Variants in MAGI2 observed in about 807,000 individuals in gnomAD.
MAGI2 encodes membrane associated guanylate kinase, WW and PDZ domain containing 2, also known as membrane-associated guanylate kinase, WW and PDZ domain-containing protein 2.
A neutral mutation model predicts 133.3 loss-of-function variants in MAGI2; 35 were observed. The observed-to-expected ratio is 0.26, with a 90% CI of 0.20 to 0.35. The LOEUF (loss-of-function observed/expected upper bound fraction) is 0.35. MAGI2 is among the 10% of genes least tolerant of loss of function. The pLI is 1.00. For synonymous variants in MAGI2, 729 were observed against 710.6 expected (o/e 1.03, Z -0.41); for missense variants, 1,636 against 1,863.4 (o/e 0.88, Z 2.25).
rs144052116 is a variant in MAGI2 at position 78,246,850 on chromosome 7, C to T, written c.2047+9093G>A. Among the ~76,000 whole-genome samples the T allele has an allele frequency of 9.2e-4, 140 of 152,230 alleles. 1 individual carries two copies. Among genetic ancestry groups the T allele is most frequent in the Non-Finnish European group, 1.5e-3 (105 of 67,996 alleles). ...CTTCTTTTCTGGAGCCAGGCCAGTG[C>T]CGTGCCCTGCCCTCAGGGTCAGAGA... On this transcript the variant is annotated intron_variant, in intron 10 of 21. Transcript: ENST00000354212.
intron 6 of MAGI2, among the ~76,000 whole-genome samples, chr7:78,416,375 T>G (rs1214306162): frequency 2.0e-5 from 3 of 150,294 alleles, no homozygotes; most frequent in Non-Finnish European, 4.4e-5. Context: ...ATAGGTACAA[T>G]TTATGTTACA....
At chr7:78,709,246 C>T (rs1294374062) in intron 2 of MAGI2, among the ~76,000 whole-genome samples, 1 of 151,374 alleles carries the variant, frequency 6.6e-6, no homozygotes, top group Non-Finnish European at 1.5e-5. Context: ...CCAACAATAC[C>T]CCAGGCCTCC....
intron 1 of MAGI2, among the ~76,000 whole-genome samples, chr7:79,016,603 G>T (rs543054131): frequency 6.6e-6 from 1 of 152,228 alleles, no homozygotes; most frequent in South Asian, 2.1e-4. Context: ...CTTTGCTGAG[G>T]CAGGTAAGCT....
chr7:79,377,671 A>G (rs1486700773), intron 1 of MAGI2, among the ~76,000 whole-genome samples: 2 of 151,860 alleles, frequency 1.3e-5, no homozygotes, highest in Non-Finnish European at 1.5e-5. Context: ...GAACCAATGT[A>G]ACAGCAACAT....
intron 9 of MAGI2, among the ~76,000 whole-genome samples, chr7:78,334,779 C>T (rs1236104751): frequency 6.6e-6 from 1 of 152,182 alleles, no homozygotes. Context: ...GAACACACAT[C>T]TTTCTCTTTA....
At chr7:79,289,047 C>A (rs906241250) in intron 1 of MAGI2, among the ~76,000 whole-genome samples, 1 of 152,104 alleles carries the variant, frequency 6.6e-6, no homozygotes, top group Non-Finnish European at 1.5e-5. Flanking sequence ...ATGGAACACC[C>A]ATGTGTCACT....
intron 21 of MAGI2, among the ~76,000 whole-genome samples, chr7:78,050,086 G>A (rs149984717): frequency 6.6e-6 from 1 of 152,050 alleles, no homozygotes; most frequent in Non-Finnish European, 1.5e-5. Flanking sequence ...TCAATAAATC[G>A]TTCACAACAG....
chr7:79,287,879 AT>A (rs1836141670), intron 1 of MAGI2, among the ~76,000 whole-genome samples: 1 of 135,314 alleles, frequency 7.4e-6, no homozygotes, highest in Admixed American at 8.1e-5. Flanking sequence ...CAAATAGAAA[AT>A]TGTACAATGC....
At chr7:78,927,535 T>G (rs1361248613) in intron 2 of MAGI2, among the ~76,000 whole-genome samples, 1 of 151,914 alleles carries the variant, frequency 6.6e-6, no homozygotes, top group Admixed American at 6.6e-5. Flanking sequence ...AGGGTAGAGA[T>G]AAGGGTAAGG....
intron 9 of MAGI2, among the ~76,000 whole-genome samples, chr7:78,257,376 C>T (rs1793098891): frequency 6.6e-6 from 1 of 152,052 alleles, no homozygotes; most frequent in Admixed American, 6.6e-5. Context: ...AGATTTGGGT[C>T]CCTTGGTTTC....
chr7:79,216,826 G>A (rs1205162935), intron 1 of MAGI2, among the ~76,000 whole-genome samples: 1 of 152,100 alleles, frequency 6.6e-6, no homozygotes, highest in Non-Finnish European at 1.5e-5. Context: ...ATAGAGTGGA[G>A]TAAGAGACAA....
intron 3 of MAGI2, among the ~76,000 whole-genome samples, chr7:78,549,217 G>C (rs1799129670): frequency 6.6e-6 from 1 of 152,068 alleles, no homozygotes; most frequent in Admixed American, 6.6e-5. Flanking sequence ...AGGTATTATG[G>C]ATAGGAGCTG....
At chr7:78,092,862 C>T (rs1245754005) in intron 20 of MAGI2, among the ~76,000 whole-genome samples, 1 of 152,028 alleles carries the variant, frequency 6.6e-6, no homozygotes, top group Non-Finnish European at 1.5e-5. Flanking sequence ...ATTGCTTTAC[C>T]AATTTCTTGA....
At chr7:78,179,674 A>G (rs1282867834) in intron 13 of MAGI2, among the ~76,000 whole-genome samples, 1 of 152,238 alleles carries the variant, frequency 6.6e-6, no homozygotes, top group Non-Finnish European at 1.5e-5. Flanking sequence ...TCAATGAATA[A>G]TATTAAACTC....
chr7:78,722,052 G>A (rs768793377), intron 2 of MAGI2, among the ~76,000 whole-genome samples: 6 of 151,052 alleles, frequency 4.0e-5, no homozygotes, highest in Non-Finnish European at 5.9e-5. Flanking sequence ...ATAAGTATAC[G>A]TAATTAACTA....
At chr7:79,126,788 A>G (rs1263785882) in intron 1 of MAGI2, among the ~76,000 whole-genome samples, 2 of 151,508 alleles carry the variant, frequency 1.3e-5, no homozygotes, top group East Asian at 1.9e-4. Context: ...AATGTTTTGT[A>G]CATATTAAAT....
chr7:79,016,938 C>A (rs980838800), intron 1 of MAGI2, among the ~76,000 whole-genome samples: 9 of 152,272 alleles, frequency 5.9e-5, no homozygotes, highest in African/African-American at 2.2e-4. Context: ...CCTATGCTAA[C>A]ATTTTTGCCC....
chr7:79,242,151 T>C (rs935859800), intron 1 of MAGI2, among the ~76,000 whole-genome samples: 1 of 152,202 alleles, frequency 6.6e-6, no homozygotes, highest in African/African-American at 2.4e-5. Flanking sequence ...ATAACATATA[T>C]TGTATAATTG....
chr7:78,156,892 T>C (rs1230815502), intron 16 of MAGI2, among the ~76,000 whole-genome samples: 2 of 151,764 alleles, frequency 1.3e-5, no homozygotes, highest in South Asian at 2.1e-4. Flanking sequence ...TTAATGATCC[T>C]TGGGCTCGGG....
Sources: allele counts gnomAD v4.1 joint callset (sites outside exome capture counted in the v4.1 genomes callset), GRCh38; gene constraint gnomAD v4.1.1; transcripts MANE v1.5; gene names NCBI Gene and HGNC (gene_info 2026-07-23, HGNC 2026-07-21).